Variants in TNKS observed in about 807,000 individuals in gnomAD.
TNKS encodes the protein poly [ADP-ribose] polymerase tankyrase-1.
In TNKS, 72 loss-of-function variants were observed where a neutral mutation model predicts 135.8. The observed-to-expected ratio is 0.53, with a 90% CI of 0.44 to 0.64. The LOEUF is 0.64. TNKS is among the 30% of genes least tolerant of loss of function. TNKS has a pLI of 0.00. For missense variants in TNKS, 1,769 were observed against 1,674.0 expected (o/e 1.06, Z -0.99); for synonymous variants, 849 against 649.3 (o/e 1.31, Z -4.68).
intron 3 of TNKS, among the ~76,000 whole-genome samples, chr8:9,646,418 G>A (rs1012344831): frequency 6.6e-6 from 1 of 151,760 alleles, no homozygotes; most frequent in Non-Finnish European, 1.5e-5. Context: ...TTGTATTATT[G>A]CAAATAGAAA....
At chr8:9,674,550 G>T (rs1802453258) in intron 3 of TNKS, among the ~76,000 whole-genome samples, 1 of 152,204 alleles carries the variant, frequency 6.6e-6, no homozygotes, top group African/African-American at 2.4e-5. Context: ...CTCTTCTGGT[G>T]AATGGTCTCT....
Position 9,764,796 on chromosome 8 carries a change from TTTTTA to T in TNKS, c.3447+7_3447+11del. Reference sequence around the variant, plus strand: ...ACAGATACAATGTCATTCGAGTAAGTTTTTAAAGTTTCATGGTGAAAACTGGATTG... The same window carrying T: ...ACAGATACAATGTCATTCGAGTAAGTAAGTTTCATGGTGAAAACTGGATTG... On this transcript the variant is annotated splice_region_variant and intron_variant, in intron 23 of 26. Transcript: ENST00000310430. The T allele has an allele frequency of 1.3e-6, 2 of 1,581,824 alleles. No homozygotes were observed. Among genetic ancestry groups the T allele is most frequent in the Non-Finnish European group, 1.7e-6 (2 of 1,166,242 alleles).
chr8:9,765,793 T>C lies in TNKS; in HGVS notation c.3549T>C (p.Phe1183=). ...NHNHHNERML[F]HGSPFINAII... is the part of the protein sequence containing the mutation. ...ACCATCACAATGAGCGCATGTTGTT[T>C]CATGGTAAGCAGCGTGGCAGGGACG... The change falls in exon 24 of 27, where the codon TTT becomes TTC. Residue 1183 remains phenylalanine, a synonymous_variant. Transcript: ENST00000310430. The C allele has an allele frequency of 1.9e-6, 3 of 1,613,624 alleles. No homozygotes were observed. In the East Asian group the frequency reaches 6.7e-5, roughly 36 times the overall value.
chr8:9,761,368 TA>T, intron 20 of TNKS, 147 bp from the exon 21 acceptor site: 3 of 789,802 alleles, frequency 3.8e-6, no homozygotes, highest in Non-Finnish European at 3.8e-6. Context: ...AAGACAACTT[TA>T]AAAAAATTGT....
intron 5 of TNKS, among the ~76,000 whole-genome samples, chr8:9,699,820 T>C (rs1475774131): frequency 6.6e-6 from 1 of 152,218 alleles, no homozygotes; most frequent in African/African-American, 2.4e-5. Flanking sequence ...AAGTGATCTT[T>C]CCAAGACTCT....
intron 3 of TNKS, chr8:9,658,381 G>C (rs1801525498): frequency 3.9e-6 from 5 of 1,298,118 alleles, no homozygotes; most frequent in Non-Finnish European, 5.0e-6. Flanking sequence ...GGCAAAGACT[G>C]AGACAGCTCC....
At chr8:9,706,140 TAAGTTGTTTG>T in intron 6 of TNKS, 37 bp from the exon 7 acceptor site, 1 of 1,395,484 alleles carries the variant, frequency 7.2e-7, no homozygotes, top group African/African-American at 1.5e-5. Flanking sequence ...CATGGATAAA[TAAGTTGTTTG>T]AAATTTAAGT....
chr8:9,672,670 A>AC (rs1035614634), intron 3 of TNKS, among the ~76,000 whole-genome samples: 4 of 138,454 alleles, frequency 2.9e-5, no homozygotes, highest in South Asian at 2.5e-4. Context: ...AAAAAAAAAA[A>AC]AAAAAACACA....
intron 1 of TNKS, among the ~76,000 whole-genome samples, chr8:9,559,463 G>A (rs1462753002): frequency 6.6e-6 from 1 of 152,018 alleles, no homozygotes; most frequent in Non-Finnish European, 1.5e-5. Flanking sequence ...CAACTTTTAG[G>A]TTCAGGGATT....
At chr8:9,754,004 C>T (rs1257678827) in intron 20 of TNKS, among the ~76,000 whole-genome samples, 1 of 152,220 alleles carries the variant, frequency 6.6e-6, no homozygotes, top group Admixed American at 6.5e-5. Flanking sequence ...GGCCATGCTA[C>T]TCCAGTCTCT....
intron 3 of TNKS, among the ~76,000 whole-genome samples, chr8:9,641,786 C>T (rs964360686): frequency 2.1e-5 from 3 of 145,658 alleles, no homozygotes; most frequent in Non-Finnish European, 4.5e-5. Flanking sequence ...AAAAGAATTT[C>T]TGGAATTACT....
chr8:9,625,880 G>A lies in TNKS; in HGVS notation c.994+10203G>A, dbSNP rs574509294. 5.3e-5 allele frequency among the ~76,000 whole-genome samples: 8 copies of A among 152,196 alleles called. No homozygotes were observed. In the East Asian group the frequency reaches 1.5e-3, roughly 29 times the overall value. ...ATGTGAAGAGAATGTATTTTCTGAT[G>A]TTTTTGGATGGAGTGTTCTATAAAT... On this transcript the variant is annotated intron_variant, in intron 3 of 26. Coordinates refer to ENST00000310430, the MANE Select transcript of TNKS (RefSeq NM_003747.3).
intron 8 of TNKS, 116 bp from the exon 9 acceptor site, chr8:9,708,255 G>A: frequency 1.1e-6 from 1 of 930,826 alleles, no homozygotes; most frequent in Non-Finnish European, 1.5e-6. Flanking sequence ...CATTGCTGCT[G>A]TTGTTAAAAT....
chr8:9,602,866 GCTAT>G (rs557178806), intron 2 of TNKS, among the ~76,000 whole-genome samples: 124 of 152,162 alleles, frequency 8.1e-4, no homozygotes, highest in African/African-American at 2.8e-3. Context: ...CTAAATCTCT[GCTAT>G]CTGTTGTATA....
At chr8:9,584,023 G>T (rs1012921518) in intron 2 of TNKS, among the ~76,000 whole-genome samples, 26 of 151,704 alleles carry the variant, frequency 1.7e-4, no homozygotes, top group African/African-American at 6.3e-4. Context: ...AATTAGCCGG[G>T]CGTGGTGGTG....
rs201271096 is a variant in TNKS, at chr8:9,751,686, T to C, written c.2910T>C (p.Thr970=). The C allele has an allele frequency of 1.2e-6, 2 of 1,614,200 alleles. No homozygotes were observed. The highest frequency in any genetic ancestry group is 1.7e-6 in the Non-Finnish European group (2 of 1,180,022). ...CTACCTGTTTTAAACCTCAGGCTAC[T>C]GTAGTGAGTGCCTCTCTGATCTCAC... ...ALPTCFKPQA[T]VVSASLISPA... The change falls in exon 19 of 27, where the codon ACT becomes ACC. Residue 970 remains threonine, a synonymous_variant. Coordinates refer to ENST00000310430, the MANE Select transcript of TNKS (RefSeq NM_003747.3).
intron 3 of TNKS, among the ~76,000 whole-genome samples, chr8:9,653,600 A>C (rs1386603582): frequency 2.0e-5 from 3 of 152,036 alleles, no homozygotes; most frequent in African/African-American, 7.2e-5. Context: ...CGTGGTAGCA[A>C]ATTCAGTCCC....
intron 20 of TNKS, among the ~76,000 whole-genome samples, chr8:9,757,759 A>G (rs1402873009): frequency 6.6e-6 from 1 of 152,228 alleles, no homozygotes; most frequent in Non-Finnish European, 1.5e-5. Context: ...TGGACCAACT[A>G]TGTAACTTTC....
At chr8:9,589,025 C>G (rs961415572) in intron 2 of TNKS, among the ~76,000 whole-genome samples, 1 of 152,066 alleles carries the variant, frequency 6.6e-6, no homozygotes, top group African/African-American at 2.4e-5. Flanking sequence ...ATATGACAAA[C>G]TCGATTGGTA....
Sources: allele counts gnomAD v4.1 joint callset (sites outside exome capture counted in the v4.1 genomes callset), GRCh38; gene constraint gnomAD v4.1.1; transcripts MANE v1.5; gene names NCBI Gene and HGNC (gene_info 2026-07-23, HGNC 2026-07-21).